Variants in KRT6A observed in about 807,000 individuals in gnomAD.
KRT6A encodes keratin 6A.
In KRT6A, 28 loss-of-function variants were observed where a neutral mutation model predicts 48.6. The observed-to-expected ratio is 0.58, with a 90% CI of 0.43 to 0.79. The LOEUF (loss-of-function observed/expected upper bound fraction) is 0.79. KRT6A is among the 30% of genes least tolerant of loss of function. KRT6A has a pLI of 0.00. For missense variants in KRT6A, 687 were observed against 724.3 expected, an observed-to-expected ratio of 0.95 and a Z score of 0.59; for synonymous variants, 301 against 294.2, an observed-to-expected ratio of 1.02 and a Z score of -0.24.
At chr12:52,492,209 T>A (rs1336797748) in intron 1 of KRT6A, among the ~76,000 whole-genome samples, 1 of 152,156 alleles carries the variant, frequency 6.6e-6, no homozygotes, top group Non-Finnish European at 1.5e-5. Flanking sequence ...GAGGATTAAT[T>A]AACATTTCCA....
At chr12:52,492,042 G>A (rs146330156) in intron 1 of KRT6A, among the ~76,000 whole-genome samples, 2 of 152,234 alleles carry the variant, frequency 1.3e-5, no homozygotes, top group East Asian at 3.9e-4. Context: ...TTATAAAATA[G>A]TATTCATCTG....
intron 5 of KRT6A, 150 bp from the exon 6 acceptor site, chr12:52,490,218 G>T: frequency 6.9e-7 from 1 of 1,450,202 alleles, no homozygotes; most frequent in Non-Finnish European, 9.6e-7. Context: ...GTGGTTGGTG[G>T]ATACTAAACA....
rs770129543 is a variant in KRT6A, at chr12:52,491,494, C to G, written c.755+28G>C. On this transcript the variant is annotated intron_variant, in intron 2 of 8. Coordinates refer to ENST00000330722, the MANE Select transcript of KRT6A (RefSeq NM_005554.4). Reference sequence around the variant, plus strand: ...GTCTTGAAGTGTGTGCTGCAGGAAACTGAGTCCATTTCTCCTGTTTAACTC... The same window carrying G: ...GTCTTGAAGTGTGTGCTGCAGGAAAGTGAGTCCATTTCTCCTGTTTAACTC... 21 of 1,611,422 alleles carry G rather than the reference C, an allele frequency of 1.3e-5. No individual in the cohort carries two copies. The East Asian group carries it at 4.2e-4, about 32-fold the overall frequency.
intron 5 of KRT6A, chr12:52,490,292 A>C: frequency 1.0e-6 from 1 of 993,950 alleles, no homozygotes; most frequent in Non-Finnish European, 1.5e-6. Flanking sequence ...GGGAGTAGAA[A>C]TGTTCTGTAC....
chr12:52,488,046 G>A (rs1565585216), intron 8 of KRT6A, 23 bp downstream of exon 8: 3 of 1,614,146 alleles, frequency 1.9e-6, no homozygotes, highest in Non-Finnish European at 1.7e-6. Flanking sequence ...GGGCAGGGGA[G>A]GAAGGCAAGC....
chr12:52,493,098 A>G lies in KRT6A; in HGVS notation c.91T>C (p.Ser31Pro), dbSNP rs921902439. The change falls in exon 1 of 9, where the codon TCT becomes CCT. Residue 31 changes from serine to proline, a missense_variant. Coordinates refer to ENST00000330722, the MANE Select transcript of KRT6A (RefSeq NM_005554.4). ...GACACGGAGACGCTGCTGAAGCCAG[A>G]GCGGCTGACCCCAGGGAGCCTGGCT... The part of the protein sequence containing the change: ...NSARLPGVSR[S>P]GFSSVSVSRS... 1.7e-5 allele frequency: 27 copies of G among 1,613,826 alleles called. No individual in the cohort carries two copies. Among genetic ancestry groups the G allele is most frequent in the Non-Finnish European group, 2.2e-5 (26 of 1,180,054 alleles).
chr12:52,493,254 G>A lies in KRT6A; in HGVS notation c.-66C>T. The A allele has an allele frequency of 6.2e-7, 1 of 1,610,980 alleles. No individual in the cohort carries two copies. Among genetic ancestry groups the A allele is most frequent in the South Asian group, 1.1e-5 (1 of 90,702 alleles). On this transcript the variant is annotated 5_prime_UTR_variant, in exon 1 of 9. Coordinates refer to ENST00000330722, the MANE Select transcript of KRT6A (RefSeq NM_005554.4). ...TGGAGGAGAGAGGGAAGAGAAGCAG[G>A]ACTAGGAATCAGGCTCGGGGCAGCA...
chr12:52,492,620 G>T, intron 1 of KRT6A, 29 bp downstream of exon 1: 1 of 1,613,926 alleles, frequency 6.2e-7, no homozygotes, highest in Non-Finnish European at 8.5e-7. Context: ...ACCCTGAAGT[G>T]CCCCATGGAG....
intron 7 of KRT6A, 94 bp from the exon 8 acceptor site, chr12:52,488,197 G>A (rs1316437463): frequency 1.9e-6 from 3 of 1,613,296 alleles, no homozygotes; most frequent in African/African-American, 1.3e-5. Flanking sequence ...GAGTCCATGG[G>A]AAACTGCTCT....
rs1938306777 is a variant in KRT6A at position 52,493,206 on chromosome 12, G to T, written c.-18C>A. 1.2e-6 allele frequency: 2 copies of T among 1,613,942 alleles called. No homozygotes were observed. The highest frequency in any genetic ancestry group is 1.3e-5 in the African/African-American group (1 of 74,922). On this transcript the variant is annotated 5_prime_UTR_variant, in exon 1 of 9. Coordinates refer to ENST00000330722, the MANE Select transcript of KRT6A (RefSeq NM_005554.4). ...CTGGCCATGGTTCCAGGAGATGAGA[G>T]AGCTGAGGAGAGTGTGAGAGGCTGG...
chr12:52,491,401 G>C, intron 2 of KRT6A, 121 bp downstream of exon 2: 1 of 1,389,704 alleles, frequency 7.2e-7, no homozygotes, highest in Non-Finnish European at 1.0e-6. Flanking sequence ...GGACTAATTT[G>C]TGCTCTTCAT....
In KRT6A at chr12:52,490,030, G is replaced by C. The variant is rs372043088; in HGVS notation, c.1116C>G (p.Asp372Glu). 6.2e-7 allele frequency: 1 copy of C among 1,613,862 alleles called. No individual in the cohort carries two copies. The highest frequency in any genetic ancestry group is 8.5e-7 in the Non-Finnish European group (1 of 1,180,018). Residue 372 changes from aspartate to glutamate, a missense_variant, in exon 6 of 9, where the codon GAC becomes GAG. This residue lies in a region of KRT6A where 566 missense variants were observed against 565.3 expected (regional missense o/e 1.00). Transcript: ENST00000330722. Reference sequence around the variant, plus strand: ...TCTCCTGCTTGGTGTTGCGCAGGTCGTCCCCATGTCTGCCTGCTGTGACCT... The same window carrying C: ...TCTCCTGCTTGGTGTTGCGCAGGTCCTCCCCATGTCTGCCTGCTGTGACCT... ...ELQVTAGRHGDDLRNTKQEIA... is the reference protein window; with the variant it reads ...ELQVTAGRHGEDLRNTKQEIA...
In KRT6A at chr12:52,487,607, C is replaced by T. The variant is rs1174668311; in HGVS notation, c.*113G>A. The T allele has an allele frequency of 4.4e-6, 6 of 1,348,996 alleles. No individual in the cohort carries two copies. The highest frequency in any genetic ancestry group is 2.4e-5 in the East Asian group (1 of 42,370). The allele number at this position is 1,348,996 out of a possible 1,614,324, so 83.6% of individuals were successfully genotyped here. On this transcript the variant is annotated 3_prime_UTR_variant, in exon 9 of 9. Coordinates refer to ENST00000330722, the MANE Select transcript of KRT6A (RefSeq NM_005554.4). ...CACTAAGCATCCATACCCAGCTCTA[C>T]CTGGGACAGCAGGGGAGACTGGAGG...
In KRT6A at chr12:52,493,244, A is replaced by G. The variant is rs1358978950; in HGVS notation, c.-56T>C. ...TGTGAGAGGCTGGAGGAGAGAGGGA[A>G]GAGAAGCAGGACTAGGAATCAGGCT... On this transcript the variant is annotated 5_prime_UTR_variant, in exon 1 of 9. Coordinates refer to ENST00000330722, the MANE Select transcript of KRT6A (RefSeq NM_005554.4). The G allele has an allele frequency of 6.8e-6, 11 of 1,612,480 alleles. No individual in the cohort carries two copies. Among genetic ancestry groups the G allele is most frequent in the African/African-American group, 5.3e-5 (4 of 74,860 alleles).
At chr12:52,488,611 C>A in intron 6 of KRT6A, 63 bp from the exon 7 acceptor site, 1 of 1,493,872 alleles carries the variant, frequency 6.7e-7, no homozygotes, top group Non-Finnish European at 8.9e-7. Context: ...CTAAACCTGG[C>A]TGGTTATTTC....
intron 7 of KRT6A, 32 bp downstream of exon 7, chr12:52,488,296 A>G: frequency 6.2e-7 from 1 of 1,614,188 alleles, no homozygotes; most frequent in Non-Finnish European, 8.5e-7. Flanking sequence ...AGATGGACTC[A>G]GCTGTTGAAG....
chr12:52,490,965 G>A lies in KRT6A; in HGVS notation c.817-12C>T, dbSNP rs1259593795. The A allele has an allele frequency of 9.9e-6, 16 of 1,613,886 alleles. No homozygotes were observed. Among genetic ancestry groups the A allele is most frequent in the Non-Finnish European group, 1.4e-5 (16 of 1,179,854 alleles). ...GCAGCATCCACATCCTGGGGAAAGAGCCAACAACCTGGAGTTACCTGAGCT... is the reference window on the plus strand; with the variant it reads ...GCAGCATCCACATCCTGGGGAAAGAACCAACAACCTGGAGTTACCTGAGCT... On this transcript the variant is annotated splice_polypyrimidine_tract_variant and intron_variant, in intron 3 of 8. Transcript: ENST00000330722.
rs1938244296 is a variant in KRT6A, at chr12:52,490,689, C to T, written c.957G>A (p.Val319=). 6.2e-7 allele frequency: 1 copy of T among 1,614,096 alleles called. No homozygotes were observed. The highest frequency in any genetic ancestry group is 8.5e-7 in the Non-Finnish European group (1 of 1,180,050). Residue 319 remains valine (V), a synonymous_variant, in exon 5 of 9, where the codon GTG becomes GTA. Transcript: ENST00000330722. ...MQTHISDTSV[V]LSMDNNRNLD... ...GGTTGCGGTTGTTGTCCATGGACAG[C>T]ACCACAGATGTGTCTGAGATGTGGG...
chr12:52,490,684 G>A lies in KRT6A; in HGVS notation c.962C>T (p.Ser321Phe), dbSNP rs372287870. 3 of 1,614,110 alleles carry A rather than the reference G, an allele frequency of 1.9e-6. No individual in the cohort carries two copies. The African/African-American group carries it at 4.0e-5, about 22-fold the overall frequency. Residue 321 changes from serine to phenylalanine, a missense_variant, in exon 5 of 9, where the codon TCC (serine) becomes TTC (phenylalanine). Physicochemically the swap from Ser to Phe is radical, Grantham distance 155 (BLOSUM62 -2). Transcript: ENST00000330722. ...GTCCAGGTTGCGGTTGTTGTCCATGGACAGCACCACAGATGTGTCTGAGAT... is the reference window on the plus strand; with the variant it reads ...GTCCAGGTTGCGGTTGTTGTCCATGAACAGCACCACAGATGTGTCTGAGAT... ...THISDTSVVLSMDNNRNLDLD... is the reference protein window; with the variant it reads ...THISDTSVVLFMDNNRNLDLD...
Sources: gnomAD v4.1 joint callset for allele counts (sites outside exome capture counted in the v4.1 genomes callset) on GRCh38, gnomAD v4.1.1 for gene constraint, gnomAD v4.1.1 regional missense constraint, MANE v1.5 for transcripts, NCBI Gene and HGNC (gene_info 2026-07-23, HGNC 2026-07-21) for gene names.